Variants in STON2 observed in about 807,000 individuals in gnomAD.
STON2 encodes stonin-2.
STON2 carries 29 observed loss-of-function variants against 65.7 expected under a neutral mutation model. The observed-to-expected ratio is 0.44, with a 90% confidence interval of 0.33 to 0.60. The LOEUF (loss-of-function observed/expected upper bound fraction) is 0.60. Ranked by LOEUF, STON2 falls within the 20% of genes least tolerant of loss-of-function variation. The pLI is 0.03. For missense variants in STON2, 1,054 were observed against 1,118.1 expected (o/e 0.94, Z 0.82); for synonymous variants, 404 against 414.2 (o/e 0.98, Z 0.30).
In STON2 at chr14:81,262,867, T is replaced by G; in HGVS notation, c.*5547A>C. ...TTTGTGGTTGCCTTATACATCTCCT[T>G]CACGTTTAATTCCTTAAACACATAA... On this transcript the variant is annotated 3_prime_UTR_variant, in exon 8 of 8. Transcript: ENST00000614646. The G allele has an allele frequency of 1.0e-6, 1 of 985,376 alleles. No homozygotes were observed. Among genetic ancestry groups the G allele is most frequent in the Non-Finnish European group, 1.2e-6 (1 of 829,826 alleles). 61.0% of individuals were successfully genotyped at this position (985,376 alleles called of 1,614,324 possible).
At chr14:81,272,683 T>C (rs1894649094) in intron 6 of STON2, among the ~76,000 whole-genome samples, 1 of 152,228 alleles carries the variant, frequency 6.6e-6, no homozygotes, top group South Asian at 2.1e-4. Context: ...TTAAGATACA[T>C]ATAACAGTAA....
chr14:81,433,322 C>T (rs757986023), intron 1 of STON2, among the ~76,000 whole-genome samples: 2 of 152,168 alleles, frequency 1.3e-5, no homozygotes, highest in African/African-American at 2.4e-5. Context: ...CTTTTTAGCT[C>T]ACCTATTTCA....
intron 5 of STON2, among the ~76,000 whole-genome samples, chr14:81,298,815 G>T (rs1252117026): frequency 2.0e-5 from 3 of 152,140 alleles, no homozygotes; most frequent in Non-Finnish European, 2.9e-5. Context: ...TCCAAGCAAG[G>T]TGAGTTGGAT....
intron 2 of STON2, among the ~76,000 whole-genome samples, chr14:81,426,293 G>A (rs1901969899): frequency 6.6e-6 from 1 of 152,140 alleles, no homozygotes; most frequent in African/African-American, 2.4e-5. Context: ...AAATGCCAAT[G>A]GGTCCATACC....
At chr14:81,415,322 G>A (rs1715636243) in intron 2 of STON2, among the ~76,000 whole-genome samples, 1 of 149,776 alleles carries the variant, frequency 6.7e-6, no homozygotes, top group Admixed American at 6.7e-5. Context: ...GGCCAGAGAG[G>A]TTAAGTAACG....
intron 6 of STON2, among the ~76,000 whole-genome samples, chr14:81,275,642 T>G (rs1160682413): frequency 6.6e-6 from 1 of 152,076 alleles, no homozygotes; most frequent in African/African-American, 2.4e-5. Context: ...AAAAATTCTG[T>G]CAGTTTAGAA....
At chr14:81,270,544 T>G in intron 7 of STON2, 126 bp downstream of exon 7, 2 of 1,582,392 alleles carry the variant, frequency 1.3e-6, no homozygotes, top group South Asian at 1.2e-5. Flanking sequence ...TATGGTGAAC[T>G]TCCTCTAAGG....
intron 5 of STON2, among the ~76,000 whole-genome samples, chr14:81,300,219 G>A (rs758952312): frequency 1.3e-4 from 20 of 151,812 alleles, no homozygotes; most frequent in Non-Finnish European, 2.2e-4. Context: ...AAACATCCTG[G>A]AGCAACTAGA....
chr14:81,314,820 A>G (rs1471430678), intron 5 of STON2, among the ~76,000 whole-genome samples: 1 of 152,180 alleles, frequency 6.6e-6, no homozygotes, highest in Non-Finnish European at 1.5e-5. Context: ...CAACACTGCT[A>G]CACCAAATAA....
At position 81,396,089 on chromosome 14, in the gene STON2, A is replaced by T; in HGVS notation, c.178T>A (p.Ser60Thr). ...SGENHVVDGG[S>T]QDHSHSEQDD... ...TGCTCCGAGTGGGAATGGTCTTGAG[A>T]GCCTCCATCCACCACATGGTTCTCC... Residue 60 changes from serine to threonine, a missense_variant, in exon 3 of 8, where the codon TCT becomes ACT. Physicochemically the swap from Ser to Thr is moderately conservative, Grantham distance 58. Transcript: ENST00000614646. The T allele has an allele frequency of 6.2e-7, 1 of 1,614,118 alleles. No individual in the cohort carries two copies. The highest frequency in any genetic ancestry group is 8.5e-7 in the Non-Finnish European group (1 of 1,180,010).
intron 7 of STON2, 174 bp downstream of exon 7, chr14:81,270,496 T>C (rs1894530766): frequency 1.1e-5 from 16 of 1,512,856 alleles, no homozygotes; most frequent in Non-Finnish European, 1.4e-5. Flanking sequence ...CTAGCCAGAT[T>C]ATGCATTTAA....
chr14:81,364,893 C>T (rs1305356493), intron 4 of STON2, among the ~76,000 whole-genome samples: 1 of 152,126 alleles, frequency 6.6e-6, no homozygotes, highest in African/African-American at 2.4e-5. Context: ...ATAGCAATAA[C>T]ATAAACACAG....
chr14:81,419,356 A>G (rs1901593263), intron 2 of STON2, among the ~76,000 whole-genome samples: 1 of 152,226 alleles, frequency 6.6e-6, no homozygotes, highest in Non-Finnish European at 1.5e-5. Context: ...TAAACCCAGA[A>G]TATATCACAG....
At chr14:81,302,688 T>C (rs1367168540) in intron 5 of STON2, among the ~76,000 whole-genome samples, 1 of 152,350 alleles carries the variant, frequency 6.6e-6, no homozygotes, top group East Asian at 1.9e-4. Context: ...ACACTGCAAA[T>C]GTCTCCACAA....
intron 3 of STON2, among the ~76,000 whole-genome samples, chr14:81,372,517 T>C (rs1453767358): frequency 4.3e-5 from 6 of 140,678 alleles, no homozygotes; most frequent in Non-Finnish European, 6.0e-5. Context: ...GCCATTGCAC[T>C]CCAGCCTAGA....
intron 2 of STON2, among the ~76,000 whole-genome samples, chr14:81,416,263 A>G (rs138476212): frequency 6.6e-6 from 1 of 152,314 alleles, no homozygotes; most frequent in African/African-American, 2.4e-5. Flanking sequence ...ATTTCTACCC[A>G]TAAAGATTGG....
At chr14:81,431,992 C>T (rs996487845) in intron 1 of STON2, among the ~76,000 whole-genome samples, 1 of 151,954 alleles carries the variant, frequency 6.6e-6, no homozygotes, top group African/African-American at 2.4e-5. Flanking sequence ...CTATTCATAC[C>T]CCGATGGATA....
At chr14:81,391,368 T>A (rs1458068035) in intron 3 of STON2, among the ~76,000 whole-genome samples, 2 of 152,206 alleles carry the variant, frequency 1.3e-5, no homozygotes, top group Non-Finnish European at 2.9e-5. Context: ...CAAATTAAAA[T>A]CTGAGCTGCA....
At chr14:81,436,274 CT>C (rs891859173) in intron 1 of STON2, 8 of 151,500 alleles carry the variant, frequency 5.3e-5, no homozygotes, top group South Asian at 1.9e-4. Flanking sequence ...CGGGGCCCCT[CT>C]TGGGGGGCGC....
Sources: gnomAD v4.1 joint callset for allele counts (sites outside exome capture counted in the v4.1 genomes callset) on GRCh38, gnomAD v4.1.1 for gene constraint, MANE v1.5 for transcripts, NCBI Gene and HGNC (gene_info 2026-07-23, HGNC 2026-07-21) for gene names.